The following STX8 variants were observed in gnomAD, a reference collection of about 807,000 sequenced individuals.
The protein encoded by STX8 is syntaxin 8, also known as syntaxin-8.
A neutral mutation model predicts 37.5 loss-of-function variants in STX8; 23 were observed. That is an observed-to-expected ratio of 0.61 (90% CI 0.44 to 0.87). The LOEUF (loss-of-function observed/expected upper bound fraction) is 0.87. Ranked by LOEUF, STX8 falls within the 40% of genes least tolerant of loss-of-function variation. The pLI is 0.00. For synonymous variants in STX8, 115 were observed against 99.1 expected (o/e 1.16, Z -0.95); for missense variants, 313 against 284.7 (o/e 1.10, Z -0.71).
chr17:9,281,000 A>G lies in STX8; in HGVS notation c.644-30355T>C, dbSNP rs77083861. 8.9e-4 allele frequency among the ~76,000 whole-genome samples: 136 copies of G among 152,322 alleles called. 1 individual carries two copies. In the East Asian group the frequency reaches 0.024, roughly 27 times the overall value. On this transcript the variant is annotated intron_variant, in intron 7 of 7. Coordinates refer to ENST00000306357, the MANE Select transcript of STX8 (RefSeq NM_004853.3). ...AGATAAGCAGGAGAGTGGATTGCAC[A>G]GGGCCCTAGGTGTGACAAGGAATCT...
chr17:9,311,871 G>A (rs1441238261), intron 7 of STX8, among the ~76,000 whole-genome samples: 7 of 151,486 alleles, frequency 4.6e-5, no homozygotes, highest in African/African-American at 1.7e-4. Flanking sequence ...TTTCTGAGAC[G>A]GAGTCTTGCT....
At chr17:9,261,908 A>T (rs1907053720) in intron 7 of STX8, among the ~76,000 whole-genome samples, 1 of 152,194 alleles carries the variant, frequency 6.6e-6, no homozygotes, top group African/African-American at 2.4e-5. Flanking sequence ...TCTGTTACGG[A>T]TATCTTGTTT....
At chr17:9,400,698 G>A (rs545054813) in intron 6 of STX8, among the ~76,000 whole-genome samples, 4 of 152,116 alleles carry the variant, frequency 2.6e-5, no homozygotes, top group South Asian at 2.1e-4. Context: ...AGCCACCCGC[G>A]CCCGGCCGAG....
chr17:9,362,613 C>T (rs9709195), intron 7 of STX8, among the ~76,000 whole-genome samples: 29,108 of 151,670 alleles, frequency 0.19, 2,927 homozygotes, highest in Non-Finnish European at 0.22. Flanking sequence ...GGACAGGAGT[C>T]TAAGACCAGA....
chr17:9,506,418 C>G lies in STX8; in HGVS notation c.324-1256G>C, dbSNP rs922679055. On this transcript the variant is annotated intron_variant, in intron 4 of 7. Coordinates refer to ENST00000306357, the MANE Select transcript of STX8 (RefSeq NM_004853.3). ...TGGTGCTCACCCGCTCCCCCCCCCC[C>G]CCACCCACCTTTCTTAGGAAAGGAC... 4.4e-4 allele frequency among the ~76,000 whole-genome samples: 43 copies of G among 98,606 alleles called. 7 individuals carry two copies. The highest frequency in any genetic ancestry group is 1.4e-3 in the African/African-American group (39 of 26,910). The allele number at this position is 98,606 out of a possible 152,430, so 64.7% of individuals were successfully genotyped here.
chr17:9,445,830 CTTTT>C (rs535734676), intron 6 of STX8, among the ~76,000 whole-genome samples: 1 of 144,014 alleles, frequency 6.9e-6, no homozygotes, highest in Non-Finnish European at 1.5e-5. Flanking sequence ...ACATTTTTTT[CTTTT>C]TTTCTCTTTT....
chr17:9,324,126 TCACA>T (rs35942102), intron 7 of STX8, among the ~76,000 whole-genome samples: 11,967 of 135,514 alleles, frequency 0.088, 577 homozygotes, highest in Non-Finnish European at 0.1. Context: ...TCTCTCTCTC[TCACA>T]CACACACACA....
At chr17:9,367,109 A>T (rs1399379283) in intron 7 of STX8, among the ~76,000 whole-genome samples, 1 of 151,802 alleles carries the variant, frequency 6.6e-6, no homozygotes, top group Non-Finnish European at 1.5e-5. Flanking sequence ...TTGCACCCTG[A>T]GGCTGAACAA....
chr17:9,379,205 G>A (rs558051790), intron 6 of STX8, among the ~76,000 whole-genome samples: 25 of 146,412 alleles, frequency 1.7e-4, no homozygotes, highest in African/African-American at 5.6e-4. Flanking sequence ...AGATCACGCT[G>A]CTGCATTCCA....
intron 7 of STX8, among the ~76,000 whole-genome samples, chr17:9,376,048 C>A (rs1490018726): frequency 2.0e-5 from 3 of 152,144 alleles, no homozygotes; most frequent in Non-Finnish European, 4.4e-5. Context: ...TAACCAAATT[C>A]TCCGCTTTCT....
intron 6 of STX8, among the ~76,000 whole-genome samples, chr17:9,420,921 G>C (rs182456262): frequency 3.3e-5 from 5 of 152,154 alleles, no homozygotes; most frequent in Admixed American, 6.5e-5. Context: ...AGTACATTAG[G>C]GGGTGGAAAT....
chr17:9,300,331 CAAAA>C (rs3060137), intron 7 of STX8, among the ~76,000 whole-genome samples: 4 of 69,320 alleles, frequency 5.8e-5, no homozygotes, highest in African/African-American at 2.3e-4. Flanking sequence ...AACTCCATCT[CAAAA>C]AAAAAAAAAA....
At chr17:9,369,040 C>A (rs967862465) in intron 7 of STX8, among the ~76,000 whole-genome samples, 1 of 152,156 alleles carries the variant, frequency 6.6e-6, no homozygotes, top group Non-Finnish European at 1.5e-5. Context: ...CCCATCCCAG[C>A]CTCCCAAGTA....
chr17:9,457,324 C>A (rs1905211381), intron 6 of STX8, among the ~76,000 whole-genome samples: 1 of 152,212 alleles, frequency 6.6e-6, no homozygotes, highest in African/African-American at 2.4e-5. Flanking sequence ...ATTTCCTTGC[C>A]TTTCCAGCTT....
chr17:9,472,408 C>T (rs182873042), intron 6 of STX8, among the ~76,000 whole-genome samples: 6 of 152,156 alleles, frequency 3.9e-5, no homozygotes, highest in Middle Eastern at 3.2e-3. Flanking sequence ...TTGAGTCCTC[C>T]TAGCAAACCA....
At chr17:9,426,059 A>C (rs982456506) in intron 6 of STX8, among the ~76,000 whole-genome samples, 12 of 97,852 alleles carry the variant, frequency 1.2e-4, no homozygotes, top group African/African-American at 7.9e-4. Context: ...AACCTAGACA[A>C]TCTGTCTTTA....
rs550108459 is a variant in STX8 at position 9,545,230 on chromosome 17, G to C, written c.265C>G (p.Arg89Gly). Reference sequence around the variant, plus strand: ...AAGGATGCCAGAAGTAGTCTCTCTCGAGTTACAAGATCATCCAAGAGGTTC... The same window carrying C: ...AAGGATGCCAGAAGTAGTCTCTCTCCAGTTACAAGATCATCCAAGAGGTTC... ...RQNLLDDLVT[R>G]ERLLLASFKN... Residue 89 changes from arginine to glycine, a missense_variant, in exon 4 of 8, where the codon CGA (arginine) becomes GGA (glycine). Arg to Gly is a moderately radical substitution (Grantham distance 125). Coordinates refer to ENST00000306357, the MANE Select transcript of STX8 (RefSeq NM_004853.3). The C allele has an allele frequency of 4.3e-6, 7 of 1,613,940 alleles. No individual in the cohort carries two copies. Among genetic ancestry groups the C allele is most frequent in the Non-Finnish European group, 5.1e-6 (6 of 1,179,998 alleles).
intron 4 of STX8, among the ~76,000 whole-genome samples, chr17:9,521,190 G>A (rs777948568): frequency 6.6e-6 from 1 of 152,214 alleles, no homozygotes; most frequent in Non-Finnish European, 1.5e-5. Flanking sequence ...ACACGGAAGA[G>A]AGGCTGCAGT....
chr17:9,518,506 T>A (rs1477836795), intron 4 of STX8, among the ~76,000 whole-genome samples: 5 of 152,218 alleles, frequency 3.3e-5, no homozygotes, highest in Admixed American at 1.3e-4. Flanking sequence ...TCGACTTAGA[T>A]CTGCTCCTCT....
Sources: gnomAD v4.1 joint callset for allele counts (sites outside exome capture counted in the v4.1 genomes callset) on GRCh38, gnomAD v4.1.1 for gene constraint, MANE v1.5 for transcripts, NCBI Gene and HGNC (gene_info 2026-07-23, HGNC 2026-07-21) for gene names.